GIMD1: variants seen among roughly 807,000 people sequenced by gnomAD.
The protein encoded by GIMD1 is GTPase IMAP family member GIMD1.
GIMD1 carries 14 observed loss-of-function variants against 14.9 expected under a neutral mutation model. The ratio of observed to expected loss-of-function variants is 0.94; its 90% CI spans 0.62 to 1.47. GIMD1 has a LOEUF of 1.47. Among genes scored for constraint, GIMD1 ranks in the 40% most tolerant of loss-of-function variants. The pLI, the probability that GIMD1 is intolerant of heterozygous loss-of-function variation, is 0.00. For synonymous variants in GIMD1, 91 were observed against 90.5 expected (o/e 1.01, Z -0.03); for missense variants, 272 against 255.3 (o/e 1.07, Z -0.44).
Position 106,367,360 on chromosome 4 carries a change from T to C in GIMD1, c.76A>G (p.Asn26Asp). 2.0e-6 allele frequency: 3 copies of C among 1,535,972 alleles called. No individual in the cohort carries two copies. Among genetic ancestry groups the C allele is most frequent in the Non-Finnish European group, 2.6e-6 (3 of 1,146,832 alleles). ...MTQSGKSSAG[N>D]ILLGSTDFHS... ...AAGTCTGTGCTTCCCAGCAGAATGT[T>C]TCCAGCAGAACTTTTTCCACTCTGA... Residue 26 changes from asparagine to aspartate, a missense_variant, in exon 2 of 3, where the codon AAC becomes GAC. Coordinates refer to ENST00000638719, the MANE Select transcript of GIMD1 (RefSeq NM_001195138.2).
chr4:106,360,971 A>G (rs1292655301), intron 2 of GIMD1, among the ~76,000 whole-genome samples: 1 of 152,076 alleles, frequency 6.6e-6, no homozygotes, highest in African/African-American at 2.4e-5. Flanking sequence ...AGTGGCTAAA[A>G]AAATTAATAA....
At chr4:106,365,906 A>AGGGCTGTGTGGACTATTGTTAG (rs1770692670) in intron 2 of GIMD1, among the ~76,000 whole-genome samples, 1 of 150,930 alleles carries the variant, frequency 6.6e-6, no homozygotes, top group African/African-American at 2.4e-5. Context: ...TAGTCCACAC[A>AGGGCTGTGTGGACTATTGTTAG]TCATATGCAC....
chr4:106,366,416 CA>C (rs1554004101), intron 2 of GIMD1, among the ~76,000 whole-genome samples: 2 of 152,048 alleles, frequency 1.3e-5, no homozygotes, highest in Non-Finnish European at 2.9e-5. Context: ...TCTCATTTAC[CA>C]GTAATTAAGC....
At chr4:106,366,795 C>A (rs1770705575) in intron 2 of GIMD1, among the ~76,000 whole-genome samples, 1 of 151,626 alleles carries the variant, frequency 6.6e-6, no homozygotes, top group South Asian at 2.1e-4. Context: ...TTTTTTCCTA[C>A]AAACCAGTTG....
intron 2 of GIMD1, among the ~76,000 whole-genome samples, chr4:106,366,340 T>C (rs1245352565): frequency 6.6e-6 from 1 of 152,192 alleles, no homozygotes; most frequent in East Asian, 1.9e-4. Flanking sequence ...ATGCATTGTC[T>C]TTTTCTGGTT....
rs150596584 is a variant in GIMD1 at position 106,361,662 on chromosome 4, T to A, written c.394-3219A>T. On this transcript the variant is annotated intron_variant, in intron 2 of 2. Transcript: ENST00000638719. ...AGATATCAAAATGTTTTCATACAAA[T>A]TATTAAATAGCTACTGCTCTTAACT... is the stretch of plus-strand genomic sequence containing the variant. 6.5e-3 allele frequency among the ~76,000 whole-genome samples: 988 copies of A among 152,238 alleles called. 7 individuals carry two copies. The highest frequency in any genetic ancestry group is 8.7e-3 in the Non-Finnish European group (591 of 67,996).
At position 106,358,407 on chromosome 4, in the gene GIMD1, T is replaced by A; in HGVS notation, c.430A>T (p.Ile144Phe). The change falls in exon 3 of 3, where the codon ATT (isoleucine) becomes TTT (phenylalanine). Residue 144 changes from isoleucine (I) to phenylalanine (F), a missense_variant. Transcript: ENST00000638719. ...ATTTTTTCTGCATGGGTAAAAAGAATGGCTGTGTAATTCATCCAAGCATGT... is the reference window on the plus strand; with the variant it reads ...ATTTTTTCTGCATGGGTAAAAAGAAAGGCTGTGTAATTCATCCAAGCATGT... ...LGHAWMNYTA[I>F]LFTHAEKIEE... 1 of 1,525,216 alleles carries A rather than the reference T, an allele frequency of 6.6e-7. No homozygotes were observed. Among genetic ancestry groups the A allele is most frequent in the Non-Finnish European group, 8.7e-7 (1 of 1,143,314 alleles). 94.5% of individuals were successfully genotyped at this position (1,525,216 alleles called of 1,614,324 possible).
At chr4:106,364,260 A>C (rs1770659992) in intron 2 of GIMD1, among the ~76,000 whole-genome samples, 1 of 152,154 alleles carries the variant, frequency 6.6e-6, no homozygotes, top group African/African-American at 2.4e-5. Context: ...GAGGCATGGG[A>C]AAGAAGAAGC....
At chr4:106,363,424 A>G (rs931616612) in intron 2 of GIMD1, among the ~76,000 whole-genome samples, 12 of 152,162 alleles carry the variant, frequency 7.9e-5, no homozygotes, top group African/African-American at 2.7e-4. Context: ...TCTCTATGCT[A>G]TCTTGCCCAT....
Position 106,367,137 on chromosome 4 carries a change from A to G in GIMD1, c.299T>C (p.Phe100Ser), listed in dbSNP as rs763393968. Residue 100 changes from phenylalanine (F) to serine (S), a missense_variant, in exon 2 of 3, where the codon TTC (phenylalanine) becomes TCC (serine). Physicochemically the swap from Phe to Ser is radical, Grantham distance 155 (BLOSUM62 -2). Transcript: ENST00000638719. Reference sequence around the variant, plus strand: ...TGCAAGGTGGAGACCCCCTTGCCCGAAGTGATGTGCCAGAGCCTCTTTGAC... The same window carrying G: ...TGCAAGGTGGAGACCCCCTTGCCCGGAGTGATGTGCCAGAGCCTCTTTGAC... ...QEVKEALAHH[F>S]GQGGLHLALL... 1 of 1,535,574 alleles carries G rather than the reference A, an allele frequency of 6.5e-7. No individual in the cohort carries two copies. The highest frequency in any genetic ancestry group is 1.2e-5 in the South Asian group (1 of 84,034).
intron 2 of GIMD1, among the ~76,000 whole-genome samples, chr4:106,365,327 C>A (rs982657454): frequency 2.0e-5 from 3 of 150,782 alleles, no homozygotes; most frequent in African/African-American, 7.3e-5. Flanking sequence ...ACATGATGAG[C>A]ATTTTTTATG....
chr4:106,357,948 T>G lies in GIMD1; in HGVS notation c.*235A>C. 2.8e-6 allele frequency: 1 copy of G among 353,264 alleles called. No homozygotes were observed. Among genetic ancestry groups the G allele is most frequent in the Non-Finnish European group, 5.1e-6 (1 of 194,438 alleles). 21.9% of individuals were successfully genotyped at this position (353,264 alleles called of 1,614,324 possible). ...GTCTTCTAGTACACAAATGTACACA[T>G]TTATGTTGGGTATACACTTAGGAGT... is the stretch of plus-strand genomic sequence containing the variant. On this transcript the variant is annotated 3_prime_UTR_variant, in exon 3 of 3. Coordinates refer to ENST00000638719, the MANE Select transcript of GIMD1 (RefSeq NM_001195138.2).
At chr4:106,358,538 A>G (rs1045278771) in intron 2 of GIMD1, 95 bp from the exon 3 acceptor site, 4 of 882,390 alleles carry the variant, frequency 4.5e-6, no homozygotes, top group African/African-American at 1.7e-5. Context: ...TAGCCAGCAG[A>G]TCCATATTAT....
In GIMD1 at chr4:106,360,853, C is replaced by A. The variant is rs115814761; in HGVS notation, c.394-2410G>T. Among the ~76,000 whole-genome samples the A allele has an allele frequency of 5.8e-3, 884 of 152,158 alleles. 6 individuals are homozygous for A. The highest frequency in any genetic ancestry group is 0.019 in the African/African-American group (777 of 41,538). On this transcript the variant is annotated intron_variant, in intron 2 of 2. Coordinates refer to ENST00000638719, the MANE Select transcript of GIMD1 (RefSeq NM_001195138.2). ...TCAGAAGGAGACAACCCTTACAACA[C>A]CTTCATTTCAGACTTCTAGCCTCCA...
At chr4:106,360,551 G>A (rs902564262) in intron 2 of GIMD1, among the ~76,000 whole-genome samples, 1 of 151,962 alleles carries the variant, frequency 6.6e-6, no homozygotes, top group African/African-American at 2.4e-5. Flanking sequence ...GAGCAGTGAT[G>A]TTATGGGTTG....
chr4:106,367,618 G>A lies in GIMD1; in HGVS notation c.-2-181C>T, dbSNP rs182078060. Among the ~76,000 whole-genome samples the A allele has an allele frequency of 1.1e-4, 16 of 152,276 alleles. No individual in the cohort carries two copies. The East Asian group carries it at 2.3e-3, about 22-fold the overall frequency. ...AAGTGGAGATCCCCCAGTGACAGAAGGGAATGTGGAATAATTGTAGTTTAC... is the reference window on the plus strand; with the variant it reads ...AAGTGGAGATCCCCCAGTGACAGAAAGGAATGTGGAATAATTGTAGTTTAC... On this transcript the variant is annotated intron_variant, in intron 1 of 2. Transcript: ENST00000638719.
intron 2 of GIMD1, among the ~76,000 whole-genome samples, chr4:106,364,199 C>G (rs1043309468): frequency 1.3e-4 from 20 of 152,088 alleles, no homozygotes; most frequent in African/African-American, 4.8e-4. Context: ...TATAACTCCT[C>G]TGCAAAATAT....
intron 1 of GIMD1, among the ~76,000 whole-genome samples, chr4:106,367,795 G>A (rs1418700431): frequency 1.3e-5 from 2 of 152,164 alleles, no homozygotes; most frequent in South Asian, 4.1e-4. Flanking sequence ...AAAAGGTGTT[G>A]AAGTTCCTGA....
chr4:106,367,704 C>T (rs1004568480), intron 1 of GIMD1, among the ~76,000 whole-genome samples: 4 of 152,072 alleles, frequency 2.6e-5, no homozygotes, highest in Admixed American at 2.6e-4. Context: ...CAGAAAAAAT[C>T]CCAAATTACA....
Sources: allele counts gnomAD v4.1 joint callset (sites outside exome capture counted in the v4.1 genomes callset), GRCh38; gene constraint gnomAD v4.1.1; transcripts MANE v1.5; gene names NCBI Gene and HGNC (gene_info 2026-07-23, HGNC 2026-07-21).